The following RABGAP1L variants were observed in gnomAD, a reference collection of about 807,000 sequenced individuals.
RABGAP1L encodes rab GTPase-activating protein 1-like.
RABGAP1L carries 63 observed loss-of-function variants against 137.7 expected under a neutral mutation model. The observed-to-expected ratio is 0.46, with a 90% CI of 0.37 to 0.56. The LOEUF (loss-of-function observed/expected upper bound fraction) is 0.56. RABGAP1L is among the 20% of genes least tolerant of loss of function. The pLI is 0.00. For missense variants in RABGAP1L, 1,095 were observed against 1,244.0 expected, an observed-to-expected ratio of 0.88 and a Z score of 1.80; for synonymous variants, 431 against 433.7, an observed-to-expected ratio of 0.99 and a Z score of 0.08.
At chr1:174,417,407 A>G (rs981817715) in intron 13 of RABGAP1L, among the ~76,000 whole-genome samples, 1 of 152,210 alleles carries the variant, frequency 6.6e-6, no homozygotes, top group Non-Finnish European at 1.5e-5. Flanking sequence ...GCCAGGGAAA[A>G]CAATCTTGCG....
chr1:174,342,477 T>A (rs114636387), intron 11 of RABGAP1L, among the ~76,000 whole-genome samples: 2,886 of 152,298 alleles, frequency 0.019, 83 homozygotes, highest in African/African-American at 0.066. Flanking sequence ...AACCAAATCT[T>A]TGAGATATTT....
intron 14 of RABGAP1L, among the ~76,000 whole-genome samples, chr1:174,647,058 G>A (rs1462545599): frequency 2.0e-5 from 3 of 152,128 alleles, no homozygotes; most frequent in Non-Finnish European, 4.4e-5. Context: ...CATTGATTTT[G>A]TATCCTGAGA....
intron 1 of RABGAP1L, among the ~76,000 whole-genome samples, chr1:174,163,388 A>G (rs748540461): frequency 2.0e-5 from 3 of 152,172 alleles, no homozygotes; most frequent in Admixed American, 6.5e-5. Flanking sequence ...ATGGGATGGC[A>G]TAATTGGGTA....
chr1:174,969,511 A>T (rs1262516694), intron 21 of RABGAP1L, 124 bp downstream of exon 21: 1 of 711,044 alleles, frequency 1.4e-6, no homozygotes, highest in Non-Finnish European at 2.4e-6. Flanking sequence ...AGTGGCAGGG[A>T]CAGTCTGTTA....
chr1:174,362,110 G>C (rs1684197103), intron 11 of RABGAP1L, among the ~76,000 whole-genome samples: 1 of 152,132 alleles, frequency 6.6e-6, no homozygotes, highest in Admixed American at 6.5e-5. Context: ...CAAAGGACAT[G>C]ATCTCATTTT....
intron 8 of RABGAP1L, among the ~76,000 whole-genome samples, chr1:174,274,457 A>G (rs1290771069): frequency 2.0e-5 from 3 of 152,120 alleles, no homozygotes; most frequent in Non-Finnish European, 4.4e-5. Context: ...AACGTGCTGT[A>G]CAAGTTTGTA....
chr1:174,212,423 C>A (rs542741599), intron 1 of RABGAP1L, among the ~76,000 whole-genome samples: 4 of 151,966 alleles, frequency 2.6e-5, no homozygotes, highest in Middle Eastern at 3.4e-3. Flanking sequence ...GGAAATTAAA[C>A]AACATGCTCC....
chr1:174,616,194 G>A (rs1671840541), intron 13 of RABGAP1L, among the ~76,000 whole-genome samples: 2 of 152,226 alleles, frequency 1.3e-5, no homozygotes, highest in African/African-American at 2.4e-5. Context: ...GCTGTAGACA[G>A]AGCTGTTCCT....
intron 20 of RABGAP1L, among the ~76,000 whole-genome samples, chr1:174,960,244 T>C (rs1026360780): frequency 2.6e-5 from 4 of 152,192 alleles, no homozygotes; most frequent in Non-Finnish European, 5.9e-5. Context: ...TTCAGTTCAG[T>C]GCTATTTCTT....
intron 19 of RABGAP1L, among the ~76,000 whole-genome samples, chr1:174,834,942 A>G (rs1200255910): frequency 6.6e-6 from 1 of 152,314 alleles, no homozygotes; most frequent in South Asian, 2.1e-4. Flanking sequence ...TTTGAATTGT[A>G]TCCTGCAAAT....
At chr1:174,698,776 A>G (rs1679439829) in intron 15 of RABGAP1L, among the ~76,000 whole-genome samples, 1 of 152,112 alleles carries the variant, frequency 6.6e-6, no homozygotes, top group African/African-American at 2.4e-5. Flanking sequence ...TATATAGAAT[A>G]TTATCTTTTA....
At chr1:174,176,736 A>ATAAAATAAAAT (rs1336706741) in intron 1 of RABGAP1L, among the ~76,000 whole-genome samples, 1,516 of 82,748 alleles carry the variant, frequency 0.018, 75 homozygotes, top group African/African-American at 0.026. Context: ...AAAAAAAAAA[A>ATAAAATAAAAT]AAAAAAAAAA....
intron 13 of RABGAP1L, among the ~76,000 whole-genome samples, chr1:174,536,258 C>CT (rs914818919): frequency 4.0e-5 from 6 of 150,734 alleles, no homozygotes; most frequent in East Asian, 1.9e-4. Context: ...GTATATATCA[C>CT]TTTTTTTTCC....
At position 174,702,194 on chromosome 1, in the gene RABGAP1L, C is replaced by G. The variant is rs1303276048; in HGVS notation, c.2107C>G (p.Leu703Val). The change falls in exon 17 of 26, where the codon CTT becomes GTT. Residue 703 changes from leucine (L) to valine (V), a missense_variant. By Grantham distance (32) the Leu-to-Val change is conservative. Transcript: ENST00000681986. ...GTATGCATCCCAGTGGTTTCTCACT[C>G]TTTTTACTGCCAAGTTCCCACTCTG... The part of the protein sequence containing the change: ...HMYASQWFLT[L>V]FTAKFPLCMV... 3 of 1,612,440 alleles carry G rather than the reference C, an allele frequency of 1.9e-6. No homozygotes were observed.
At chr1:174,332,380 TTTTA>T (rs57912999) in intron 11 of RABGAP1L, among the ~76,000 whole-genome samples, 41,646 of 149,686 alleles carry the variant, frequency 0.28, 6,293 homozygotes, top group African/African-American at 0.39. Context: ...TTATCTAAAT[TTTTA>T]TTTATTTATT....
At chr1:174,895,183 T>G (rs1281991387) in intron 19 of RABGAP1L, among the ~76,000 whole-genome samples, 1 of 152,168 alleles carries the variant, frequency 6.6e-6, no homozygotes, top group African/African-American at 2.4e-5. Context: ...TGAATGAAAA[T>G]TATTCATTCT....
intron 10 of RABGAP1L, among the ~76,000 whole-genome samples, chr1:174,300,045 C>G (rs1677519528): frequency 6.6e-6 from 1 of 152,190 alleles, no homozygotes; most frequent in African/African-American, 2.4e-5. Flanking sequence ...TGGTTGACAG[C>G]ATATACTTAG....
At chr1:174,472,350 G>T (rs1177658069) in intron 13 of RABGAP1L, among the ~76,000 whole-genome samples, 1 of 152,170 alleles carries the variant, frequency 6.6e-6, no homozygotes, top group African/African-American at 2.4e-5. Context: ...AGCATGTGGG[G>T]ACAAAGGATG....
chr1:174,242,634 C>T (rs1016557864), intron 5 of RABGAP1L, among the ~76,000 whole-genome samples: 1 of 152,038 alleles, frequency 6.6e-6, no homozygotes, highest in Non-Finnish European at 1.5e-5. Flanking sequence ...GTTCTTGTGC[C>T]CTGGTGATCA....
Sources: allele counts gnomAD v4.1 joint callset (sites outside exome capture counted in the v4.1 genomes callset), GRCh38; gene constraint gnomAD v4.1.1; transcripts MANE v1.5; gene names NCBI Gene and HGNC (gene_info 2026-07-23, HGNC 2026-07-21).